Variants in PTPRO observed in about 807,000 individuals in gnomAD.
PTPRO encodes protein tyrosine phosphatase receptor type O.
A neutral mutation model predicts 145.2 loss-of-function variants in PTPRO; 62 were observed. The observed-to-expected ratio is 0.43, with a 90% confidence interval of 0.35 to 0.53. The LOEUF is 0.53. Ranked by LOEUF, PTPRO falls within the 20% of genes least tolerant of loss-of-function variation. PTPRO has a pLI of 0.01. For synonymous variants in PTPRO, 565 were observed against 514.7 expected, an observed-to-expected ratio of 1.10 and a Z score of -1.32; for missense variants, 1,345 against 1,482.7, an observed-to-expected ratio of 0.91 and a Z score of 1.53.
chr12:15,510,741 A>C (rs773902976), intron 7 of PTPRO, among the ~76,000 whole-genome samples: 9 of 152,158 alleles, frequency 5.9e-5, no homozygotes, highest in African/African-American at 2.2e-4. Flanking sequence ...ATATCATACC[A>C]CTATAGTCCA....
rs112064680 is a variant in PTPRO, at chr12:15,569,312, C to T, written c.2748-105C>T. On this transcript the variant is annotated intron_variant, in intron 18 of 26. Coordinates refer to ENST00000281171, the MANE Select transcript of PTPRO (RefSeq NM_030667.3). ...GAGTGCTAACCTTAGAGAAGTAAAA[C>T]TTCTATTTTCTCCAAGAAGATTAAG... 2,579 of 1,079,228 alleles carry T rather than the reference C, an allele frequency of 2.4e-3. 52 individuals are homozygous for T. The African/African-American group carries it at 0.037, about 16-fold the overall frequency. 66.9% of individuals were successfully genotyped at this position (1,079,228 alleles called of 1,614,324 possible).
intron 1 of PTPRO, among the ~76,000 whole-genome samples, chr12:15,415,602 G>C (rs974153827): frequency 6.6e-6 from 1 of 151,536 alleles, no homozygotes. Context: ...AGCCAGGATG[G>C]TCTCGATCTC....
intron 1 of PTPRO, among the ~76,000 whole-genome samples, chr12:15,432,864 G>A (rs1940482830): frequency 6.6e-6 from 1 of 152,060 alleles, no homozygotes; most frequent in Non-Finnish European, 1.5e-5. Context: ...TTTTTTGCTT[G>A]TAAATTTAAG....
At chr12:15,412,104 C>T (rs1290856444) in intron 1 of PTPRO, among the ~76,000 whole-genome samples, 3 of 152,212 alleles carry the variant, frequency 2.0e-5, no homozygotes, top group African/African-American at 7.2e-5. Context: ...GGATCATTCA[C>T]ACGCAGTTGA....
intron 24 of PTPRO, 55 bp from the exon 25 acceptor site, chr12:15,589,400 G>A (rs1944498422): frequency 6.2e-7 from 1 of 1,610,188 alleles, no homozygotes; most frequent in Non-Finnish European, 8.5e-7. Context: ...AAAGAGGGGG[G>A]AGAAAAAAAA....
At chr12:15,580,878 T>C (rs2135644646) in intron 22 of PTPRO, 47 bp downstream of exon 22, 2 of 1,609,304 alleles carry the variant, frequency 1.2e-6, no homozygotes, top group South Asian at 1.1e-5. Context: ...AAACCTGCCC[T>C]AGCCACTGCC....
chr12:15,525,004 T>C (rs1214955238), intron 11 of PTPRO, 39 bp downstream of exon 11: 1 of 1,607,862 alleles, frequency 6.2e-7, no homozygotes, highest in African/African-American at 1.3e-5. Flanking sequence ...TGTCTGTAAA[T>C]TTAGTTTTAT....
Position 15,580,822 on chromosome 12 carries a change from G to A in PTPRO, c.3123G>A (p.Glu1041=). The change falls in exon 22 of 27, where the codon GAG becomes GAA. Residue 1041 remains glutamate (E), a synonymous_variant. Transcript: ENST00000281171. The part of the protein sequence containing the change: ...QIIVMLTQCN[E]KRRVKCDHYW... ...TTGTCATGCTCACTCAGTGTAATGAGAAAAGGAGGGTACGTACTTACTGAA... is the reference window on the plus strand; with the variant it reads ...TTGTCATGCTCACTCAGTGTAATGAAAAAAGGAGGGTACGTACTTACTGAA... 3 of 1,613,920 alleles carry A rather than the reference G, an allele frequency of 1.9e-6. No individual in the cohort carries two copies. Among genetic ancestry groups the A allele is most frequent in the African/African-American group, 1.3e-5 (1 of 75,028 alleles).
At chr12:15,577,233 A>G (rs898354292) in intron 19 of PTPRO, among the ~76,000 whole-genome samples, 1 of 152,224 alleles carries the variant, frequency 6.6e-6, no homozygotes, top group South Asian at 2.1e-4. Flanking sequence ...GTCATCTTGA[A>G]AAGCCAAAAG....
At chr12:15,473,207 A>G (rs1289950318) in intron 1 of PTPRO, among the ~76,000 whole-genome samples, 1 of 152,182 alleles carries the variant, frequency 6.6e-6, no homozygotes. Flanking sequence ...TTCGATAACT[A>G]ATAACACTTC....
chr12:15,353,187 C>G (rs1937867201), intron 1 of PTPRO, among the ~76,000 whole-genome samples: 1 of 152,128 alleles, frequency 6.6e-6, no homozygotes, highest in Non-Finnish European at 1.5e-5. Flanking sequence ...CACATGAAAA[C>G]ACATACACCC....
intron 4 of PTPRO, among the ~76,000 whole-genome samples, chr12:15,501,176 T>G (rs1277061665): frequency 1.3e-5 from 2 of 152,224 alleles, no homozygotes; most frequent in African/African-American, 4.8e-5. Flanking sequence ...GCAACTCTTG[T>G]AGGTGCAACT....
intron 2 of PTPRO, among the ~76,000 whole-genome samples, chr12:15,496,306 C>A (rs1027082391): frequency 1.3e-5 from 2 of 151,896 alleles, no homozygotes; most frequent in Non-Finnish European, 2.9e-5. Flanking sequence ...CCACACCTGG[C>A]TAATTTTCTA....
intron 1 of PTPRO, among the ~76,000 whole-genome samples, chr12:15,482,146 T>G (rs1305971425): frequency 2.1e-5 from 3 of 140,286 alleles, no homozygotes; most frequent in Non-Finnish European, 3.0e-5. Context: ...GAAAATATGG[T>G]GTGTGTGTGT....
intron 1 of PTPRO, chr12:15,439,528 T>C (rs1458002636): frequency 8.3e-6 from 2 of 241,784 alleles, no homozygotes; most frequent in Non-Finnish European, 1.7e-5. Flanking sequence ...AAACACCAAA[T>C]AGCAGATGAC....
At chr12:15,395,001 G>C (rs1939296957) in intron 1 of PTPRO, among the ~76,000 whole-genome samples, 1 of 152,046 alleles carries the variant, frequency 6.6e-6, no homozygotes, top group South Asian at 2.1e-4. Flanking sequence ...TCAGCAAAAG[G>C]GACAGAGGAA....
At chr12:15,442,788 A>C (rs1264544956) in intron 1 of PTPRO, among the ~76,000 whole-genome samples, 1 of 151,988 alleles carries the variant, frequency 6.6e-6, no homozygotes, top group Non-Finnish European at 1.5e-5. Context: ...TCTAAACAAA[A>C]GAAGAACTAC....
chr12:15,508,495 A>AT (rs1942369267), intron 6 of PTPRO, 76 bp from the exon 7 acceptor site: 6 of 1,450,620 alleles, frequency 4.1e-6, no homozygotes, highest in East Asian at 2.4e-5. Flanking sequence ...AGAAAACATG[A>AT]TTTTTTAAAC....
intron 7 of PTPRO, among the ~76,000 whole-genome samples, chr12:15,513,018 G>GAAGA (rs763064619): frequency 3.0e-4 from 43 of 143,722 alleles, no homozygotes; most frequent in Admixed American, 8.5e-4. Flanking sequence ...AAAGAAAAGA[G>GAAGA]AAGAAAGAAA....
Sources: gnomAD v4.1 joint callset for allele counts (sites outside exome capture counted in the v4.1 genomes callset) on GRCh38, gnomAD v4.1.1 for gene constraint, MANE v1.5 for transcripts, NCBI Gene and HGNC (gene_info 2026-07-23, HGNC 2026-07-21) for gene names.